Variants in PCDHA11 observed in about 807,000 individuals in gnomAD.
The protein encoded by PCDHA11 is protocadherin alpha 11.
Under a neutral mutation model 70.3 loss-of-function variants are expected in PCDHA11, and 61 were observed. The ratio of observed to expected loss-of-function variants is 0.87; its 90% CI spans 0.71 to 1.07. PCDHA11 has a LOEUF of 1.07. PCDHA11 is among the 50% of genes least tolerant of loss of function. The pLI, the probability that PCDHA11 is intolerant of heterozygous loss-of-function variation, is 0.00. For synonymous variants in PCDHA11, 633 were observed against 555.1 expected (o/e 1.14, Z -1.97); for missense variants, 1,324 against 1,237.5 (o/e 1.07, Z -1.05).
chr5:140,941,202 C>CCTTTTCTTCCTTTCTTT (rs2092814043), intron 1 of PCDHA11, among the ~76,000 whole-genome samples: 1 of 122,742 alleles, frequency 8.1e-6, no homozygotes, highest in Non-Finnish European at 1.8e-5. Flanking sequence ...TTTCTTTCTT[C>CCTTTTCTTCCTTTCTTT]CTTTCTTTCT....
intron 1 of PCDHA11, chr5:140,883,112 A>T (rs141106500): frequency 1.9e-6 from 3 of 1,614,156 alleles, no homozygotes; most frequent in Non-Finnish European, 2.5e-6. Context: ...TTACTCATTT[A>T]GAAGGCCTGT....
intron 1 of PCDHA11, among the ~76,000 whole-genome samples, chr5:140,959,126 G>A (rs1417334893): frequency 6.6e-6 from 1 of 152,066 alleles, no homozygotes; most frequent in Non-Finnish European, 1.5e-5. Context: ...GGCGAGGTGA[G>A]CCCACTTTGG....
chr5:140,874,818 T>C (rs1169923118), intron 1 of PCDHA11, among the ~76,000 whole-genome samples: 8 of 152,256 alleles, frequency 5.3e-5, no homozygotes, highest in Admixed American at 5.2e-4. Flanking sequence ...ACAATTTATA[T>C]AAATGAAATA....
At chr5:140,912,864 T>C (rs1483499385) in intron 1 of PCDHA11, among the ~76,000 whole-genome samples, 1 of 152,212 alleles carries the variant, frequency 6.6e-6, no homozygotes, top group East Asian at 1.9e-4. Context: ...TGAAATGATA[T>C]ATGGTTTTTG....
intron 1 of PCDHA11, chr5:140,968,079 C>T (rs782150880): frequency 5.0e-6 from 8 of 1,614,142 alleles, no homozygotes; most frequent in Admixed American, 3.3e-5. Flanking sequence ...TACAACATCA[C>T]GGTGACAGCC....
chr5:140,871,009 C>T lies in PCDHA11; in HGVS notation c.1906C>T (p.Leu636=), dbSNP rs1288290775. 1.9e-6 allele frequency: 3 copies of T among 1,613,246 alleles called. No individual in the cohort carries two copies. The highest frequency in any genetic ancestry group is 2.7e-5 in the African/African-American group (2 of 74,938). Residue 636 remains leucine (L), a synonymous_variant, in exon 1 of 4, where the codon CTG becomes TTG. Transcript: ENST00000398640. ...YTGEISTTRA[L]DEADSPRHRL... ...GGGCGAGATAAGCACAACGCGTGCC[C>T]TGGACGAGGCAGACTCGCCGCGCCA...
At chr5:140,927,808 T>C (rs782535814) in intron 1 of PCDHA11, 116 of 1,614,090 alleles carry the variant, frequency 7.2e-5, no homozygotes, top group Non-Finnish European at 9.6e-5. Context: ...TGAAACGCTC[T>C]TGGAGGCATA....
chr5:140,872,209 T>C (rs900203010), intron 1 of PCDHA11, among the ~76,000 whole-genome samples: 4 of 152,214 alleles, frequency 2.6e-5, no homozygotes, highest in South Asian at 2.1e-4. Context: ...AAATTCATTA[T>C]ATATGAAACA....
chr5:140,951,321 A>AT (rs2094571430), intron 1 of PCDHA11, among the ~76,000 whole-genome samples: 1 of 152,098 alleles, frequency 6.6e-6, no homozygotes, highest in Non-Finnish European at 1.5e-5. Context: ...TATTCTTGAG[A>AT]TTCATCATTC....
intron 1 of PCDHA11, chr5:140,966,878 G>A (rs2096064555): frequency 6.3e-7 from 1 of 1,587,174 alleles, no homozygotes; most frequent in African/African-American, 1.3e-5. Flanking sequence ...GCTGCTACCT[G>A]GCCCTGCGGC....
chr5:140,968,095 TGGG>T (rs1554230332), intron 1 of PCDHA11: 1 of 1,613,884 alleles, frequency 6.2e-7, no homozygotes, highest in African/African-American at 1.3e-5. Flanking sequence ...CAGCCACAGA[TGGG>T]GGAATACCGC....
intron 2 of PCDHA11, among the ~76,000 whole-genome samples, chr5:140,979,312 C>G (rs1419194517): frequency 1.3e-5 from 2 of 152,166 alleles, no homozygotes; most frequent in Admixed American, 6.5e-5. Flanking sequence ...CCCTCTCTAC[C>G]TATGCTTTCT....
rs146613275 is a variant in PCDHA11, at chr5:140,871,400, C to G, written c.2297C>G (p.Thr766Arg). ...TGCTCTGAGGAGGGCCCACCTAAGA[C>G]GGACCTCATGGCCTTCAGCCCCAGT... ...RVCSEEGPPK[T>R]DLMAFSPSLP... is the part of the protein sequence containing the mutation. Residue 766 changes from threonine (T) to arginine (R), a missense_variant, in exon 1 of 4, where the codon ACG becomes AGG. Thr to Arg is a moderately conservative substitution (Grantham distance 71). Transcript: ENST00000398640. The G allele has an allele frequency of 1.8e-4, 284 of 1,614,130 alleles. 1 individual carries two copies. The African/African-American group carries it at 2.8e-3, about 16-fold the overall frequency.
In PCDHA11 at chr5:140,929,128, A is replaced by G. The variant is rs142487298; in HGVS notation, c.2392-49821A>G. On this transcript the variant is annotated intron_variant, in intron 1 of 3. Transcript: ENST00000398640. Reference sequence around the variant, plus strand: ...GACATCAGCCACCATAGATGTCACTACAGTTGAGAGACTTTCTCAGACTTA... The same window carrying G: ...GACATCAGCCACCATAGATGTCACTGCAGTTGAGAGACTTTCTCAGACTTA... The G allele has an allele frequency of 8.1e-6, 13 of 1,614,054 alleles. No individual in the cohort carries two copies. In the African/African-American group the frequency reaches 1.5e-4, roughly 18 times the overall value.
intron 1 of PCDHA11, among the ~76,000 whole-genome samples, chr5:140,926,099 T>C (rs1364046229): frequency 6.6e-6 from 1 of 152,162 alleles, no homozygotes; most frequent in Non-Finnish European, 1.5e-5. Context: ...GCTCCTGGGA[T>C]ACAAGAGGGT....
At chr5:140,971,778 G>C (rs1346530602) in intron 1 of PCDHA11, among the ~76,000 whole-genome samples, 2 of 151,860 alleles carry the variant, frequency 1.3e-5, no homozygotes, top group Non-Finnish European at 2.9e-5. Context: ...TATTATTCAA[G>C]ATTATTCAAT....
intron 1 of PCDHA11, chr5:140,968,960 T>C (rs1563384845): frequency 6.2e-7 from 1 of 1,614,212 alleles, no homozygotes; most frequent in South Asian, 1.1e-5. Context: ...CATCAAGTGC[T>C]ACCGCTACAC....
intron 2 of PCDHA11, 71 bp downstream of exon 2, chr5:140,979,078 A>C (rs2240296): frequency 3.8e-6 from 6 of 1,583,342 alleles, no homozygotes; most frequent in South Asian, 1.1e-5. Flanking sequence ...CTGCATCTCC[A>C]TAGGCCAGAA....
At position 140,982,510 on chromosome 5, in the gene PCDHA11, C is replaced by T; in HGVS notation, c.2486C>T (p.Ala829Val). 6.2e-7 allele frequency: 1 copy of T among 1,614,170 alleles called. No homozygotes were observed. The highest frequency in any genetic ancestry group is 8.5e-7 in the Non-Finnish European group (1 of 1,180,020). The change falls in exon 3 of 4, where the codon GCT becomes GTT. Residue 829 changes from alanine to valine, a missense_variant. Ala to Val is a moderately conservative substitution (Grantham distance 64, BLOSUM62 0). Coordinates refer to ENST00000398640, the MANE Select transcript of PCDHA11 (RefSeq NM_018902.5). ...CTAGAGGAGGCTGGCATTCTACGGGCTGGTCCAGGAGGGCCTGATCAGCAG... is the reference window on the plus strand; with the variant it reads ...CTAGAGGAGGCTGGCATTCTACGGGTTGGTCCAGGAGGGCCTGATCAGCAG... ...VHLEEAGILR[A>V]GPGGPDQQWP...
Sources: gnomAD v4.1 joint callset for allele counts (sites outside exome capture counted in the v4.1 genomes callset) on GRCh38, gnomAD v4.1.1 for gene constraint, MANE v1.5 for transcripts, NCBI Gene and HGNC (gene_info 2026-07-23, HGNC 2026-07-21) for gene names.